DLG2: variants seen among roughly 807,000 people sequenced by gnomAD.
The protein encoded by DLG2 is disks large homolog 2.
In DLG2, 45 loss-of-function variants were observed where a neutral mutation model predicts 132.5. The observed-to-expected ratio is 0.34, with a 90% CI of 0.27 to 0.44. The LOEUF (loss-of-function observed/expected upper bound fraction) is 0.44. DLG2 is among the 20% of genes least tolerant of loss of function. The pLI is 1.00. For synonymous variants in DLG2, 424 were observed against 419.6 expected (o/e 1.01, Z -0.13); for missense variants, 1,045 against 1,196.9 (o/e 0.87, Z 1.87).
chr11:84,874,750 G>A (rs1406693473), intron 6 of DLG2, among the ~76,000 whole-genome samples: 7 of 152,146 alleles, frequency 4.6e-5, no homozygotes, highest in Non-Finnish European at 8.8e-5. Context: ...GCCGAGCACT[G>A]TGGCTCATAT....
At chr11:84,734,297 A>G (rs1462727725) in intron 6 of DLG2, among the ~76,000 whole-genome samples, 1 of 151,910 alleles carries the variant, frequency 6.6e-6, no homozygotes, top group Non-Finnish European at 1.5e-5. Flanking sequence ...ATTTGTTTGT[A>G]TCCTCTTTTA....
intron 10 of DLG2, among the ~76,000 whole-genome samples, chr11:84,083,898 A>C (rs1298979627): frequency 6.6e-6 from 1 of 152,196 alleles, no homozygotes; most frequent in Middle Eastern, 3.2e-3. Context: ...ACTGTGCCTT[A>C]AAACTAAATA....
chr11:83,557,284 T>C (rs2096537492), intron 19 of DLG2, among the ~76,000 whole-genome samples: 1 of 152,232 alleles, frequency 6.6e-6, no homozygotes, highest in South Asian at 2.1e-4. Flanking sequence ...GTACAATCTG[T>C]AGAGAAAAAC....
chr11:85,534,485 T>C (rs1404536811), intron 3 of DLG2, among the ~76,000 whole-genome samples: 1 of 152,124 alleles, frequency 6.6e-6, no homozygotes, highest in Non-Finnish European at 1.5e-5. Context: ...TTTCAGCCCT[T>C]GCCCCACTCC....
At chr11:84,571,314 C>A (rs2099483723) in intron 6 of DLG2, among the ~76,000 whole-genome samples, 1 of 151,308 alleles carries the variant, frequency 6.6e-6, no homozygotes, top group African/African-American at 2.4e-5. Context: ...TTCTCCATCC[C>A]TATCTCCTTT....
chr11:84,122,649 C>T (rs572335388), intron 9 of DLG2, among the ~76,000 whole-genome samples: 1 of 152,262 alleles, frequency 6.6e-6, no homozygotes, highest in South Asian at 2.1e-4. Flanking sequence ...ATATTAGAGG[C>T]TTAAAAAGTG....
intron 4 of DLG2, among the ~76,000 whole-genome samples, chr11:85,194,948 C>CA (rs1429298739): frequency 6.6e-6 from 1 of 152,112 alleles, no homozygotes; most frequent in Admixed American, 6.5e-5. Flanking sequence ...TTGGAAAGTA[C>CA]AAAAAGTCTG....
At chr11:83,487,717 C>CATCA (rs1302500688) in intron 21 of DLG2, among the ~76,000 whole-genome samples, 1 of 152,002 alleles carries the variant, frequency 6.6e-6, no homozygotes, top group African/African-American at 2.4e-5. Context: ...GATTCAACAA[C>CATCA]ATCATTTTGG....
intron 3 of DLG2, among the ~76,000 whole-genome samples, chr11:85,478,449 AT>A (rs2093204884): frequency 6.6e-6 from 1 of 151,852 alleles, no homozygotes; most frequent in African/African-American, 2.4e-5. Context: ...ATATTTATTC[AT>A]AAAAAAAATT....
intron 6 of DLG2, among the ~76,000 whole-genome samples, chr11:84,757,639 G>C (rs2067060634): frequency 6.6e-6 from 1 of 152,152 alleles, no homozygotes; most frequent in Non-Finnish European, 1.5e-5. Flanking sequence ...TGATGATGAT[G>C]ATTTCCCTCT....
intron 6 of DLG2, among the ~76,000 whole-genome samples, chr11:85,064,863 G>A (rs958696453): frequency 3.6e-4 from 54 of 151,410 alleles, no homozygotes; most frequent in African/African-American, 1.1e-3. Context: ...TTCTGCCTTA[G>A]TTTCCACCCT....
intron 10 of DLG2, among the ~76,000 whole-genome samples, chr11:84,072,956 G>A (rs1160429315): frequency 6.6e-6 from 1 of 152,170 alleles, no homozygotes; most frequent in Admixed American, 6.5e-5. Flanking sequence ...CTGATGGATT[G>A]TATGTGGGTA....
chr11:84,756,848 C>A (rs1185462501), intron 6 of DLG2, among the ~76,000 whole-genome samples: 4 of 151,920 alleles, frequency 2.6e-5, no homozygotes, highest in Admixed American at 2.6e-4. Context: ...CAGTGAGGCC[C>A]AGAGAAGCCA....
intron 7 of DLG2, among the ~76,000 whole-genome samples, chr11:84,492,407 A>G (rs1260786736): frequency 2.0e-5 from 3 of 152,136 alleles, no homozygotes; most frequent in Non-Finnish European, 4.4e-5. Context: ...GCTTTTGTAG[A>G]GCCAATGTTC....
At chr11:83,557,759 T>C (rs2096544600) in intron 19 of DLG2, among the ~76,000 whole-genome samples, 1 of 152,162 alleles carries the variant, frequency 6.6e-6, no homozygotes, top group South Asian at 2.1e-4. Context: ...TTTGAAGAAA[T>C]GCCCTACAGA....
At chr11:85,017,144 T>G (rs2059642228) in intron 6 of DLG2, among the ~76,000 whole-genome samples, 2 of 152,176 alleles carry the variant, frequency 1.3e-5, no homozygotes, top group Admixed American at 6.5e-5. Flanking sequence ...AGTGTCCTGA[T>G]CTCTGATTTA....
At chr11:83,496,633 G>A (rs1418828492) in intron 21 of DLG2, among the ~76,000 whole-genome samples, 3 of 152,140 alleles carry the variant, frequency 2.0e-5, no homozygotes, top group African/African-American at 7.2e-5. Flanking sequence ...AACTATTGAT[G>A]CAGGAAACAA....
rs140902296 is a variant in DLG2 at position 84,906,393 on chromosome 11, C to A, written c.357+205268G>T. 2.3e-3 allele frequency among the ~76,000 whole-genome samples: 348 copies of A among 151,650 alleles called. 1 individual carries two copies. Among genetic ancestry groups the A allele is most frequent in the Admixed American group, 5.5e-3 (84 of 15,244 alleles). ...CCACAGCAAGGCTAACACACACACACACACACACACACACACACACAGAGA... is the reference window on the plus strand; with the variant it reads ...CCACAGCAAGGCTAACACACACACAAACACACACACACACACACACAGAGA... On this transcript the variant is annotated intron_variant, in intron 6 of 27. Coordinates refer to ENST00000376104, the MANE Select transcript of DLG2 (RefSeq NM_001142699.3).
At chr11:85,181,506 C>T (rs2152512848) in intron 4 of DLG2, among the ~76,000 whole-genome samples, 1 of 151,732 alleles carries the variant, frequency 6.6e-6, no homozygotes, top group African/African-American at 2.4e-5. Flanking sequence ...TTTTAGAAAG[C>T]AGGTGTCATG....
Sources: gnomAD v4.1 joint callset for allele counts (sites outside exome capture counted in the v4.1 genomes callset) on GRCh38, gnomAD v4.1.1 for gene constraint, MANE v1.5 for transcripts, NCBI Gene and HGNC (gene_info 2026-07-23, HGNC 2026-07-21) for gene names.